ANO5: variants seen among roughly 807,000 people sequenced by gnomAD.
ANO5 encodes anoctamin-5.
Under a neutral mutation model 121.0 loss-of-function variants are expected in ANO5, and 109 were observed. The ratio of observed to expected loss-of-function variants is 0.90; its 90% CI spans 0.77 to 1.06. ANO5 has a LOEUF of 1.06. ANO5 is among the 50% of genes least tolerant of loss of function. The pLI is 0.00. For synonymous variants in ANO5, 406 were observed against 359.9 expected (o/e 1.13, Z -1.45); for missense variants, 1,064 against 1,078.5 (o/e 0.99, Z 0.19).
intron 3 of ANO5, among the ~76,000 whole-genome samples, 189 bp downstream of exon 3, chr11:22,211,503 C>T (rs1852275790): frequency 6.6e-6 from 1 of 151,718 alleles, no homozygotes; most frequent in South Asian, 2.1e-4. Flanking sequence ...TCAGACATAT[C>T]AGTGAGAATG....
intron 7 of ANO5, among the ~76,000 whole-genome samples, chr11:22,231,097 G>T (rs1050844835): frequency 1.3e-5 from 2 of 151,944 alleles, no homozygotes; most frequent in African/African-American, 4.8e-5. Context: ...TAATGTGGCT[G>T]AGAACTGCAT....
At chr11:22,195,097 A>T (rs1851765048) in intron 1 of ANO5, among the ~76,000 whole-genome samples, 3 of 152,192 alleles carry the variant, frequency 2.0e-5, no homozygotes, top group African/African-American at 7.2e-5. Flanking sequence ...AACACTTGTT[A>T]TTGTCTTTTT....
At chr11:22,273,673 A>T (rs1854715144) in intron 19 of ANO5, among the ~76,000 whole-genome samples, 1 of 152,164 alleles carries the variant, frequency 6.6e-6, no homozygotes, top group Admixed American at 6.6e-5. Context: ...GTAGTAAAAA[A>T]GAATAAAGAT....
intron 19 of ANO5, 146 bp downstream of exon 19, chr11:22,273,135 A>C: frequency 1.2e-6 from 1 of 848,120 alleles, no homozygotes; most frequent in Non-Finnish European, 1.9e-6. Context: ...GCGCTAACCA[A>C]TATAGAAAAA....
At chr11:22,245,267 A>G (rs1407453298) in intron 9 of ANO5, among the ~76,000 whole-genome samples, 4 of 152,148 alleles carry the variant, frequency 2.6e-5, no homozygotes, top group Admixed American at 1.3e-4. Context: ...GGTGGGGTGA[A>G]AAGAGAGATG....
At chr11:22,198,598 G>T (rs957387137) in intron 1 of ANO5, among the ~76,000 whole-genome samples, 6 of 151,980 alleles carry the variant, frequency 3.9e-5, no homozygotes, top group Non-Finnish European at 7.4e-5. Flanking sequence ...GAAAAAGAGG[G>T]GCTAGTGTTT....
At chr11:22,193,902 A>G (rs575288181) in intron 1 of ANO5, among the ~76,000 whole-genome samples, 1 of 152,172 alleles carries the variant, frequency 6.6e-6, no homozygotes, top group Non-Finnish European at 1.5e-5. Context: ...AATGGAAACG[A>G]AGGCTTTCCC....
Position 22,202,269 on chromosome 11 carries a change from C to T in ANO5, c.41-1535C>T, listed in dbSNP as rs1316623825. Among the ~76,000 whole-genome samples, 4 of 152,080 alleles carry T rather than the reference C, an allele frequency of 2.6e-5. No homozygotes were observed. In the East Asian group the frequency reaches 7.7e-4, roughly 29 times the overall value. ...TGTACAGATCAAAACTCAAAATATT[C>T]CTCTGCAGAAAACTTTGGACTTTAT... On this transcript the variant is annotated intron_variant, in intron 1 of 21. Transcript: ENST00000324559.
intron 8 of ANO5, among the ~76,000 whole-genome samples, chr11:22,237,004 G>GT (rs1164964348): frequency 6.6e-6 from 1 of 152,102 alleles, no homozygotes; most frequent in Non-Finnish European, 1.5e-5. Context: ...ATTTCTGGGT[G>GT]TTTTTGATGG....
At chr11:22,193,922 A>T (rs1438568983) in intron 1 of ANO5, among the ~76,000 whole-genome samples, 1 of 152,224 alleles carries the variant, frequency 6.6e-6, no homozygotes, top group East Asian at 1.9e-4. Context: ...CAAAAAAAGC[A>T]GCAGTATAGA....
chr11:22,259,517 A>C lies in ANO5; in HGVS notation c.1408-2A>C. On this transcript the variant is annotated splice_acceptor_variant, in intron 14 of 21. Transcript: ENST00000324559. LOFTEE classifies it high-confidence loss of function. The stretch of plus-strand genomic sequence containing the variant: ...TAGCAGTTCTTTGTTTTCCTTTCCC[A>C]GATGTCTCTTGTCGTCACCAGTATG... The C allele has an allele frequency of 6.2e-7, 1 of 1,613,736 alleles. No homozygotes were observed. The highest frequency in any genetic ancestry group is 8.5e-7 in the Non-Finnish European group (1 of 1,179,640).
intron 21 of ANO5, among the ~76,000 whole-genome samples, chr11:22,278,248 A>G (rs540926935): frequency 6.6e-6 from 1 of 151,732 alleles, no homozygotes; most frequent in African/African-American, 2.4e-5. Flanking sequence ...CTATTTGTCA[A>G]TATTCATTGT....
At chr11:22,246,715 G>A (rs181897488) in intron 9 of ANO5, among the ~76,000 whole-genome samples, 44 of 151,582 alleles carry the variant, frequency 2.9e-4, no homozygotes, top group South Asian at 2.7e-3. Context: ...TTACCCCAGC[G>A]TGGTGGCGCA....
Position 22,262,314 on chromosome 11 carries a change from A to G in ANO5, c.1800+16A>G, listed in dbSNP as rs191813328. The G allele has an allele frequency of 5.8e-4, 934 of 1,612,330 alleles. No individual in the cohort carries two copies. Among genetic ancestry groups the G allele is most frequent in the Non-Finnish European group, 7.7e-4 (910 of 1,178,954 alleles). On this transcript the variant is annotated intron_variant, in intron 16 of 21. Coordinates refer to ENST00000324559, the MANE Select transcript of ANO5 (RefSeq NM_213599.3). ...AAGTGAAGAGGTAAGAATTTCCTTG[A>G]GAGTTGAGGTGTGTAGCTTCAATAC... is the stretch of plus-strand genomic sequence containing the variant.
rs749374398 is a variant in ANO5 at position 22,236,215 on chromosome 11, G to A, written c.701G>A (p.Arg234Lys). ...CPFGIEDGKK[R>K]FGIERLLNSN... ...TTTGGCATAGAAGATGGGAAGAAAA[G>A]GTTTGGGATTGAAAGACTGCTAAAC... Residue 234 changes from arginine to lysine, a missense_variant, in exon 8 of 22, where the codon AGG (arginine) becomes AAG (lysine). By Grantham distance (26) the Arg-to-Lys change is conservative. Coordinates refer to ENST00000324559, the MANE Select transcript of ANO5 (RefSeq NM_213599.3). 4.3e-6 allele frequency: 7 copies of A among 1,613,416 alleles called. No homozygotes were observed. Among genetic ancestry groups the A allele is most frequent in the East Asian group, 2.2e-5 (1 of 44,740 alleles).
chr11:22,246,008 G>A (rs543212717), intron 9 of ANO5, among the ~76,000 whole-genome samples: 1 of 152,192 alleles, frequency 6.6e-6, no homozygotes, highest in Non-Finnish European at 1.5e-5. Flanking sequence ...CTTCCTGTGA[G>A]TCTCACAGCT....
intron 17 of ANO5, among the ~76,000 whole-genome samples, chr11:22,266,597 C>T (rs1320611106): frequency 3.3e-5 from 5 of 152,042 alleles, no homozygotes; most frequent in Non-Finnish European, 7.4e-5. Flanking sequence ...TAACCATTTT[C>T]CTACTTGTCA....
chr11:22,282,632 G>C lies in ANO5; in HGVS notation c.*2867G>C, dbSNP rs1011953157. ...TTGGTCCAGCTGTGGTTGATAAGAG[G>C]TATATCTCTTAAAAAAGACACCTAA... is the stretch of plus-strand genomic sequence containing the variant. On this transcript the variant is annotated 3_prime_UTR_variant, in exon 22 of 22. Transcript: ENST00000324559. 2 of 152,072 alleles carry C rather than the reference G, an allele frequency of 1.3e-5. No homozygotes were observed. Among genetic ancestry groups the C allele is most frequent in the African/African-American group, 4.8e-5 (2 of 41,414 alleles). 9.4% of individuals were successfully genotyped at this position (152,072 alleles called of 1,614,324 possible).
chr11:22,268,070 T>G (rs1259994445), intron 17 of ANO5, among the ~76,000 whole-genome samples: 2 of 152,208 alleles, frequency 1.3e-5, no homozygotes, highest in African/African-American at 4.8e-5. Context: ...CTACAATCTC[T>G]TAATTAATAT....
Sources: gnomAD v4.1 joint callset for allele counts (sites outside exome capture counted in the v4.1 genomes callset) on GRCh38, gnomAD v4.1.1 for gene constraint, MANE v1.5 for transcripts, NCBI Gene and HGNC (gene_info 2026-07-23, HGNC 2026-07-21) for gene names.